Variants in SFI1 observed in about 807,000 individuals in gnomAD.
SFI1 encodes SFI1 centrin binding protein.
In SFI1, 195 loss-of-function variants were observed where a neutral mutation model predicts 207.5. That is an observed-to-expected ratio of 0.94 (90% confidence interval 0.84 to 1.06). The LOEUF (loss-of-function observed/expected upper bound fraction) is 1.06. Ranked by LOEUF, SFI1 falls within the 50% of genes least tolerant of loss-of-function variation. The probability of loss-of-function intolerance (pLI) is 0.00; values close to 1 mark genes in which losing one functional copy is unlikely to be tolerated. For synonymous variants in SFI1, 630 were observed against 598.9 expected (o/e 1.05, Z -0.76); for missense variants, 1,634 against 1,588.0 (o/e 1.03, Z -0.49).
At chr22:31,533,455 G>T (rs1008123749) in intron 4 of SFI1, among the ~76,000 whole-genome samples, 1 of 152,088 alleles carries the variant, frequency 6.6e-6, no homozygotes, top group Admixed American at 6.6e-5. Flanking sequence ...GTTTGAACCC[G>T]GGAGGCCGAG....
chr22:31,579,320 T>A (rs2063835303), intron 11 of SFI1, among the ~76,000 whole-genome samples: 1 of 118,050 alleles, frequency 8.5e-6, no homozygotes, highest in African/African-American at 3.2e-5. Context: ...ATTTTTTAGA[T>A]TTTTTTTTTT....
Position 31,618,295 on chromosome 22 carries a change from T to C in SFI1, c.3625-19T>C, listed in dbSNP as rs1379398266. 1.3e-5 allele frequency: 21 copies of C among 1,606,798 alleles called. No individual in the cohort carries two copies. The highest frequency in any genetic ancestry group is 1.8e-5 in the Non-Finnish European group (21 of 1,176,048). Reference sequence around the variant, plus strand: ...GGCTGTGCTCCCTCTCAGCCCTGCCTGTCCCTCCATGGCCCCAGGTGGAAA... The same window carrying C: ...GGCTGTGCTCCCTCTCAGCCCTGCCCGTCCCTCCATGGCCCCAGGTGGAAA... On this transcript the variant is annotated intron_variant, in intron 32 of 32. Coordinates refer to ENST00000400288, the MANE Select transcript of SFI1 (RefSeq NM_001007467.3).
At chr22:31,549,464 C>T (rs11703803) in intron 5 of SFI1, among the ~76,000 whole-genome samples, 2 of 150,724 alleles carry the variant, frequency 1.3e-5, no homozygotes, top group South Asian at 2.1e-4. Context: ...TCTCCTGCCT[C>T]AGCCTCCCTC....
At chr22:31,568,206 GTGTGTA>G (rs1569333971) in intron 8 of SFI1, among the ~76,000 whole-genome samples, 8,002 of 136,236 alleles carry the variant, frequency 0.059, 325 homozygotes, top group East Asian at 0.18. Context: ...GTGTGTGTGT[GTGTGTA>G]TATATATATA....
intron 2 of SFI1, among the ~76,000 whole-genome samples, chr22:31,512,492 A>C (rs1007778749): frequency 2.6e-5 from 4 of 152,064 alleles, no homozygotes; most frequent in Non-Finnish European, 4.4e-5. Flanking sequence ...TATAGGATAC[A>C]AAGTGATGTT....
At chr22:31,522,478 A>T (rs2057395928) in intron 2 of SFI1, among the ~76,000 whole-genome samples, 1 of 152,196 alleles carries the variant, frequency 6.6e-6, no homozygotes, top group Non-Finnish European at 1.5e-5. Context: ...TGTATTCATT[A>T]AATGGTATCT....
chr22:31,527,560 C>A (rs2058049577), intron 2 of SFI1, among the ~76,000 whole-genome samples: 1 of 152,088 alleles, frequency 6.6e-6, no homozygotes, highest in South Asian at 2.1e-4. Flanking sequence ...CATAGCAAGA[C>A]CCTATTTCAA....
At chr22:31,526,829 C>T (rs988686607) in intron 2 of SFI1, among the ~76,000 whole-genome samples, 2 of 152,122 alleles carry the variant, frequency 1.3e-5, no homozygotes, top group African/African-American at 4.8e-5. Flanking sequence ...TCTCAAAATG[C>T]TGGAATTACA....
chr22:31,553,258 A>G (rs2060791395), intron 6 of SFI1, among the ~76,000 whole-genome samples: 1 of 152,068 alleles, frequency 6.6e-6, no homozygotes. Context: ...CTTATTTGCT[A>G]TTTATATCTG....
intron 14 of SFI1, among the ~76,000 whole-genome samples, chr22:31,588,668 C>T (rs1334849033): frequency 1.3e-5 from 2 of 152,110 alleles, no homozygotes; most frequent in African/African-American, 4.8e-5. Context: ...CAAAAATTAG[C>T]TGGGCGTGGT....
At chr22:31,496,148 G>A (rs2052622779), upstream of SFI1, 1 of 152,268 alleles carries the variant, frequency 6.6e-6, no homozygotes, top group African/African-American at 2.4e-5. Context: ...CGGAAGTGAG[G>A]GAGGGAGGAC....
intron 14 of SFI1, among the ~76,000 whole-genome samples, chr22:31,588,238 T>C (rs1941442732): frequency 6.6e-6 from 1 of 152,220 alleles, no homozygotes; most frequent in African/African-American, 2.4e-5. Flanking sequence ...CAACTGGGAA[T>C]GTTAACCAAA....
intron 8 of SFI1, among the ~76,000 whole-genome samples, chr22:31,572,203 C>T (rs763615831): frequency 1.3e-5 from 2 of 151,926 alleles, no homozygotes; most frequent in African/African-American, 2.4e-5. Context: ...GAAATGGGAA[C>T]GATGGTATTC....
At chr22:31,582,409 G>T (rs1231054074) in intron 12 of SFI1, among the ~76,000 whole-genome samples, 2 of 149,354 alleles carry the variant, frequency 1.3e-5, no homozygotes, top group African/African-American at 4.9e-5. Flanking sequence ...ACACCATCAC[G>T]CCTGGCCAAT....
intron 10 of SFI1, among the ~76,000 whole-genome samples, chr22:31,577,498 C>G (rs568774571): frequency 1.1e-4 from 17 of 152,266 alleles, no homozygotes; most frequent in Non-Finnish European, 2.1e-4. Context: ...GTCTTGAACT[C>G]CTGGGCTTAA....
Position 31,615,242 on chromosome 22 carries a change from C to G in SFI1, c.3263C>G (p.Ser1088Cys), listed in dbSNP as rs781280738. The change falls in exon 29 of 33, where the codon TCC becomes TGC. Residue 1088 changes from serine (S) to cysteine (C), a missense_variant. Ser to Cys is a moderately radical substitution (Grantham distance 112, BLOSUM62 -1). Coordinates refer to ENST00000400288, the MANE Select transcript of SFI1 (RefSeq NM_001007467.3). ...TGPELLLLPL[S>C]SFMPCGAAAP... is the part of the protein sequence containing the mutation. The stretch of plus-strand genomic sequence containing the variant: ...CCGGAGCTGCTGCTGCTGCCTCTTT[C>G]CTCCTTCATGCCCTGCGGGGCGGCT... 6 of 1,528,370 alleles carry G rather than the reference C, an allele frequency of 3.9e-6. No individual in the cohort carries two copies. In the Admixed American group the frequency reaches 1.1e-4, roughly 27 times the overall value. 94.7% of individuals were successfully genotyped at this position (1,528,370 alleles called of 1,614,324 possible).
intron 18 of SFI1, 70 bp from the exon 19 acceptor site, chr22:31,604,239 G>C: frequency 2.5e-6 from 3 of 1,188,390 alleles, no homozygotes; most frequent in African/African-American, 1.5e-5. Context: ...GTATAAAATG[G>C]AGGCAAAGCA....
At chr22:31,536,434 G>A (rs968363627) in intron 4 of SFI1, among the ~76,000 whole-genome samples, 5 of 152,038 alleles carry the variant, frequency 3.3e-5, no homozygotes, top group Non-Finnish European at 7.4e-5. Flanking sequence ...TTTTTGAGAC[G>A]AAGTTTTGCT....
chr22:31,541,974 A>G (rs1323802186), intron 4 of SFI1, among the ~76,000 whole-genome samples: 1 of 145,700 alleles, frequency 6.9e-6, no homozygotes, highest in Non-Finnish European at 1.5e-5. Context: ...GGTGGTGGGT[A>G]CCTGTAGTCC....
Sources: allele counts gnomAD v4.1 joint callset (sites outside exome capture counted in the v4.1 genomes callset), GRCh38; gene constraint gnomAD v4.1.1; transcripts MANE v1.5; gene names NCBI Gene and HGNC (gene_info 2026-07-23, HGNC 2026-07-21).